The following SH3KBP1 variants were observed in gnomAD, a reference collection of about 807,000 sequenced individuals.
The protein encoded by SH3KBP1 is SH3 domain-containing kinase-binding protein 1.
In SH3KBP1, 8 loss-of-function variants were observed where a neutral mutation model predicts 50.1. That is an observed-to-expected ratio of 0.16 (90% CI 0.09 to 0.29). SH3KBP1 has a LOEUF of 0.29. Among genes scored for constraint, SH3KBP1 ranks in the 10% least tolerant of loss-of-function variants. The pLI is 1.00. For missense variants in SH3KBP1, 377 were observed against 535.2 expected, an observed-to-expected ratio of 0.70 and a Z score of 2.92; for synonymous variants, 227 against 218.6, an observed-to-expected ratio of 1.04 and a Z score of -0.34.
chrX:19,575,939 G>A (rs1334800959), intron 12 of SH3KBP1, among the ~76,000 whole-genome samples: 1 of 111,746 alleles, frequency 8.9e-6, no homozygotes, highest in Non-Finnish European at 1.9e-5. Flanking sequence ...CAAAAGGGAT[G>A]TTATTAAATT....
chrX:19,665,720 T>C lies in SH3KBP1; in HGVS notation c.726+18103A>G, dbSNP rs745659803. On this transcript the variant is annotated intron_variant, in intron 6 of 17. Coordinates refer to ENST00000397821, the MANE Select transcript of SH3KBP1 (RefSeq NM_031892.3). The stretch of plus-strand genomic sequence containing the variant: ...AGTACAAAACAGGCTGCTGACTGAC[T>C]GATCTCTGTGATCTAAATGCTTTAA... Among the ~76,000 whole-genome samples, 19 of 111,997 alleles carry C rather than the reference T, an allele frequency of 1.7e-4. No homozygotes were observed. In the South Asian group the frequency reaches 6.7e-3, roughly 39 times the overall value.
At chrX:19,694,449 C>T (rs2063364954) in intron 5 of SH3KBP1, among the ~76,000 whole-genome samples, 1 of 110,931 alleles carries the variant, frequency 9.0e-6, no homozygotes, top group Non-Finnish European at 1.9e-5. Context: ...GCAACAGGAG[C>T]TCCAAGACAC....
At chrX:19,867,328 G>C (rs1416160195) in intron 1 of SH3KBP1, among the ~76,000 whole-genome samples, 1 of 111,349 alleles carries the variant, frequency 9.0e-6, no homozygotes, top group African/African-American at 3.3e-5. Flanking sequence ...AGGGAGGAAA[G>C]GGAAGAGGGA....
chrX:19,567,590 C>T (rs1170723270), intron 13 of SH3KBP1, among the ~76,000 whole-genome samples: 1 of 60,337 alleles, frequency 1.7e-5, no homozygotes, highest in Non-Finnish European at 2.9e-5. Flanking sequence ...GAGCGAAATA[C>T]ACACAGAAGT....
chrX:19,776,721 C>T (rs768921159), intron 2 of SH3KBP1, among the ~76,000 whole-genome samples: 5 of 107,616 alleles, frequency 4.6e-5, no homozygotes, highest in Admixed American at 1.0e-4. Context: ...CTAATTTTTT[C>T]TTTTTAATTT....
At chrX:19,882,212 A>C (rs1033906786) in intron 1 of SH3KBP1, among the ~76,000 whole-genome samples, 2 of 111,836 alleles carry the variant, frequency 1.8e-5, no homozygotes, top group Non-Finnish European at 3.8e-5. Flanking sequence ...AGGAAACGTC[A>C]GGTCCACCAC....
intron 12 of SH3KBP1, among the ~76,000 whole-genome samples, chrX:19,586,564 G>A (rs1401072543): frequency 8.9e-6 from 1 of 112,309 alleles, no homozygotes; most frequent in African/African-American, 3.2e-5. Flanking sequence ...AGGCTGTCAA[G>A]TGGCCCCAAT....
intron 12 of SH3KBP1, among the ~76,000 whole-genome samples, chrX:19,578,275 T>G (rs2066266497): frequency 8.9e-6 from 1 of 111,943 alleles, no homozygotes; most frequent in South Asian, 3.7e-4. Flanking sequence ...TCTTCTTTCT[T>G]TCTCCAACTC....
At chrX:19,630,969 AC>A (rs1314858703) in intron 8 of SH3KBP1, among the ~76,000 whole-genome samples, 1 of 111,372 alleles carries the variant, frequency 9.0e-6, no homozygotes, top group African/African-American at 3.3e-5. Context: ...CACTCTATGC[AC>A]CTGCAATCTC....
chrX:19,835,226 T>C (rs766703046), intron 2 of SH3KBP1, among the ~76,000 whole-genome samples: 1 of 111,745 alleles, frequency 8.9e-6, no homozygotes, highest in Admixed American at 9.5e-5. Flanking sequence ...CTCAACCTCC[T>C]GGGCTCAAGT....
In SH3KBP1 at chrX:19,536,351, G is replaced by A; in HGVS notation, c.*66C>T. ...TAATCTTTTGGCACAAGATTATTTT[G>A]GCTGGGGCAGAAAATTTGAGTCTCG... is the stretch of plus-strand genomic sequence containing the variant. On this transcript the variant is annotated 3_prime_UTR_variant, in exon 18 of 18. Transcript: ENST00000397821. 1.4e-6 allele frequency: 1 copy of A among 728,102 alleles called. No individual in the cohort carries two copies. The highest frequency in any genetic ancestry group is 2.1e-6 in the Non-Finnish European group (1 of 482,705). 60.0% of individuals were successfully genotyped at this position (728,102 alleles called of 1,213,427 possible). A position where few individuals can be genotyped will look rare whatever the true frequency, so the allele number is the denominator to read the frequency against.
intron 8 of SH3KBP1, among the ~76,000 whole-genome samples, chrX:19,618,678 T>G (rs1238621619): frequency 2.7e-5 from 3 of 111,939 alleles, no homozygotes; most frequent in Non-Finnish European, 3.8e-5. Context: ...TAAGTCCACT[T>G]CAAGGGTCAG....
At position 19,569,089 on chromosome X, in the gene SH3KBP1, C is replaced by T. The variant is rs1454698995; in HGVS notation, c.1384+14G>A. On this transcript the variant is annotated intron_variant, in intron 13 of 17. Coordinates refer to ENST00000397821, the MANE Select transcript of SH3KBP1 (RefSeq NM_031892.3). ...AACTCTGCAAAGAGAAGCGAGAACA[C>T]TGTCCTTACTCACCAATGTCATTGC... 1.7e-6 allele frequency: 2 copies of T among 1,193,688 alleles called. No individual in the cohort carries two copies. Among genetic ancestry groups the T allele is most frequent in the African/African-American group, 3.5e-5 (2 of 57,095 alleles).
chrX:19,584,913 C>T (rs899386473), intron 12 of SH3KBP1, among the ~76,000 whole-genome samples: 2 of 111,549 alleles, frequency 1.8e-5, no homozygotes, highest in African/African-American at 6.5e-5. Context: ...CATCCATTCA[C>T]CTGGTCAGGT....
intron 3 of SH3KBP1, among the ~76,000 whole-genome samples, chrX:19,725,292 T>TAA (rs5901663): frequency 0.047 from 3,452 of 73,287 alleles, 289 homozygotes; most frequent in African/African-American, 0.17. Flanking sequence ...GTCTCTACTC[T>TAA]AAAAAAAAAA....
intron 6 of SH3KBP1, among the ~76,000 whole-genome samples, chrX:19,656,771 T>G (rs147267062): frequency 0.011 from 1,234 of 112,192 alleles, 19 homozygotes; most frequent in African/African-American, 0.037. Flanking sequence ...GTAATCATTT[T>G]GAACAGTTAG....
intron 4 of SH3KBP1, among the ~76,000 whole-genome samples, chrX:19,700,782 T>C (rs1053445910): frequency 1.8e-5 from 2 of 112,106 alleles, no homozygotes; most frequent in African/African-American, 6.5e-5. Flanking sequence ...ACAAGCATTA[T>C]CTAGGTCCTA....
intron 6 of SH3KBP1, chrX:19,670,382 TTGC>T: frequency 1.3e-6 from 1 of 753,416 alleles, no homozygotes; most frequent in Non-Finnish European, 1.6e-6. Context: ...CACAGCTGGC[TTGC>T]TCTGCATGGA....
At chrX:19,810,698 A>C (rs2067180787) in intron 2 of SH3KBP1, among the ~76,000 whole-genome samples, 1 of 112,146 alleles carries the variant, frequency 8.9e-6, no homozygotes, top group Admixed American at 9.5e-5. Flanking sequence ...GTCACCTTAA[A>C]ATATCTGTTA....
Sources: gnomAD v4.1 joint callset for allele counts (sites outside exome capture counted in the v4.1 genomes callset) on GRCh38, gnomAD v4.1.1 for gene constraint, MANE v1.5 for transcripts, NCBI Gene and HGNC (gene_info 2026-07-23, HGNC 2026-07-21) for gene names.